The following TMTC1 variants were observed in gnomAD, a reference collection of about 807,000 sequenced individuals.
TMTC1 encodes protein O-mannosyl-transferase TMTC1.
TMTC1 carries 73 observed loss-of-function variants against 104.8 expected under a neutral mutation model. That is an observed-to-expected ratio of 0.70 (90% CI 0.58 to 0.85). The LOEUF (loss-of-function observed/expected upper bound fraction) is 0.85, where lower values mean the gene tolerates loss of function less well. TMTC1 is among the 40% of genes least tolerant of loss of function. TMTC1 has a pLI of 0.00. For missense variants in TMTC1, 1,035 were observed against 1,096.1 expected (o/e 0.94, Z 0.79); for synonymous variants, 434 against 428.7 (o/e 1.01, Z -0.15).
intron 5 of TMTC1, among the ~76,000 whole-genome samples, chr12:29,686,985 T>TAA (rs5797334): frequency 1.3e-5 from 2 of 151,844 alleles, no homozygotes; most frequent in South Asian, 2.1e-4. Context: ...TATTTTTTAT[T>TAA]AAAAAAATGA....
intron 10 of TMTC1, among the ~76,000 whole-genome samples, chr12:29,539,591 G>A (rs974488779): frequency 7.2e-5 from 11 of 152,180 alleles, no homozygotes; most frequent in African/African-American, 2.4e-4. Context: ...CTACTCCAGC[G>A]AAACTGGGTG....
intron 6 of TMTC1, among the ~76,000 whole-genome samples, chr12:29,622,553 T>C (rs1015648874): frequency 6.6e-6 from 1 of 152,194 alleles, no homozygotes; most frequent in Non-Finnish European, 1.5e-5. Flanking sequence ...TCCTGGGGCA[T>C]ACACACTCAC....
chr12:29,783,100 G>A lies in TMTC1; in HGVS notation c.302+350C>T, dbSNP rs1943871445. 1 of 255,704 alleles carries A rather than the reference G, an allele frequency of 3.9e-6. No homozygotes were observed. 15.8% of individuals were successfully genotyped at this position (255,704 alleles called of 1,614,324 possible). ...CACCCCTCCGGAACCCTCTGGGTCC[G>A]CGCTAGTCCCACTTGGTCACGATCC... On this transcript the variant is annotated intron_variant, in intron 1 of 17. Transcript: ENST00000539277. The surrounding 1 kb of genome is among the most constrained non-coding windows in gnomAD (Gnocchi z 4.7).
chr12:29,643,669 A>T (rs1453078140), intron 5 of TMTC1, among the ~76,000 whole-genome samples: 1 of 9,342 alleles, frequency 1.1e-4, no homozygotes, highest in African/African-American at 4.5e-4. Flanking sequence ...AATATATAAT[A>T]TATATCTATA....
chr12:29,697,042 AG>A (rs1239998740), intron 5 of TMTC1, among the ~76,000 whole-genome samples: 1 of 152,244 alleles, frequency 6.6e-6, no homozygotes, highest in Non-Finnish European at 1.5e-5. Context: ...GTTCCATGAA[AG>A]CAGGAGATTT....
chr12:29,664,155 C>G (rs1287740712), intron 5 of TMTC1, among the ~76,000 whole-genome samples: 2 of 149,820 alleles, frequency 1.3e-5, no homozygotes, highest in African/African-American at 4.9e-5. Flanking sequence ...CCACTGCACT[C>G]CAGCCTGGGC....
At chr12:29,726,650 T>C (rs1215029908) in intron 5 of TMTC1, among the ~76,000 whole-genome samples, 1 of 152,176 alleles carries the variant, frequency 6.6e-6, no homozygotes, top group Non-Finnish European at 1.5e-5. Flanking sequence ...ACCTTTATAA[T>C]AACACCTGAC....
intron 10 of TMTC1, among the ~76,000 whole-genome samples, chr12:29,551,847 T>G (rs952479665): frequency 6.6e-6 from 1 of 151,804 alleles, no homozygotes; most frequent in African/African-American, 2.4e-5. Context: ...TTAATATAAA[T>G]TAAGAATGCT....
chr12:29,656,033 C>T (rs1396664737), intron 5 of TMTC1, among the ~76,000 whole-genome samples: 2 of 152,014 alleles, frequency 1.3e-5, no homozygotes, highest in East Asian at 3.9e-4. Context: ...CCTGGCAAGC[C>T]CCTGGTTACT....
chr12:29,606,355 T>C (rs1008013897), intron 6 of TMTC1, among the ~76,000 whole-genome samples: 15 of 152,208 alleles, frequency 9.9e-5, no homozygotes, highest in African/African-American at 3.6e-4. Flanking sequence ...TTCAAGTACA[T>C]AATTTTAAAA....
At chr12:29,565,312 C>T (rs1163021465) in intron 9 of TMTC1, among the ~76,000 whole-genome samples, 2 of 152,148 alleles carry the variant, frequency 1.3e-5, no homozygotes, top group Non-Finnish European at 2.9e-5. Context: ...AAATGTTAAT[C>T]TCATCCAAGA....
intron 1 of TMTC1, among the ~76,000 whole-genome samples, chr12:29,775,969 G>A (rs1565829104): frequency 6.6e-6 from 1 of 152,186 alleles, no homozygotes; most frequent in Non-Finnish European, 1.5e-5. Context: ...GGGATCAGAA[G>A]TTTCCTCCCA....
chr12:29,781,793 T>C (rs1943841468), intron 1 of TMTC1, among the ~76,000 whole-genome samples: 1 of 152,162 alleles, frequency 6.6e-6, no homozygotes, highest in South Asian at 2.1e-4. Context: ...ATCATGCCAC[T>C]GCACTCCAGG....
intron 5 of TMTC1, among the ~76,000 whole-genome samples, chr12:29,684,142 C>T (rs986163399): frequency 3.9e-5 from 6 of 152,192 alleles, no homozygotes; most frequent in African/African-American, 1.2e-4. Flanking sequence ...CTGCGTCCAA[C>T]CCTTCCTATC....
At chr12:29,679,041 C>T (rs1243895497) in intron 5 of TMTC1, among the ~76,000 whole-genome samples, 1 of 152,100 alleles carries the variant, frequency 6.6e-6, no homozygotes, top group East Asian at 1.9e-4. Context: ...TGGATACAAC[C>T]TAAATATCTA....
At chr12:29,757,408 A>T (rs1943240166) in intron 3 of TMTC1, among the ~76,000 whole-genome samples, 1 of 152,220 alleles carries the variant, frequency 6.6e-6, no homozygotes, top group Non-Finnish European at 1.5e-5. Flanking sequence ...GTGACAACCA[A>T]AAACGTATGC....
At chr12:29,616,966 C>T (rs1400499846) in intron 6 of TMTC1, among the ~76,000 whole-genome samples, 1 of 152,060 alleles carries the variant, frequency 6.6e-6, no homozygotes, top group Admixed American at 6.6e-5. Flanking sequence ...TAACTTTATT[C>T]TCTATACTCT....
intron 5 of TMTC1, among the ~76,000 whole-genome samples, chr12:29,706,516 G>C (rs1211228442): frequency 2.6e-5 from 4 of 152,246 alleles, no homozygotes. Flanking sequence ...ATTAGCATCA[G>C]GATTCAGTCG....
At chr12:29,617,529 C>G (rs1591812023) in intron 6 of TMTC1, among the ~76,000 whole-genome samples, 1 of 126,982 alleles carries the variant, frequency 7.9e-6, no homozygotes, top group Non-Finnish European at 1.6e-5. Context: ...GTAAGCAAAA[C>G]AGACAACAGA....
Sources: gnomAD v4.1 joint callset for allele counts (sites outside exome capture counted in the v4.1 genomes callset) on GRCh38, gnomAD v4.1.1 for gene constraint, Gnocchi (gnomAD v3.1) non-coding constraint, MANE v1.5 for transcripts, NCBI Gene and HGNC (gene_info 2026-07-23, HGNC 2026-07-21) for gene names.